Variants in SOX6 observed in about 807,000 individuals in gnomAD.
The protein encoded by SOX6 is SRY-box transcription factor 6.
Under a neutral mutation model 97.8 loss-of-function variants are expected in SOX6, and 11 were observed. The observed-to-expected ratio is 0.11, with a 90% CI of 0.07 to 0.19. SOX6 has a LOEUF of 0.19. Among genes scored for constraint, SOX6 ranks in the 10% least tolerant of loss-of-function variants. SOX6 has a pLI of 1.00. For missense variants in SOX6, 810 were observed against 1,039.5 expected (o/e 0.78, Z 3.04); for synonymous variants, 360 against 371.4 (o/e 0.97, Z 0.35).
chr11:16,612,902 C>T (rs1848416797), intron 3 of SOX6, among the ~76,000 whole-genome samples: 1 of 152,144 alleles, frequency 6.6e-6, no homozygotes, highest in African/African-American at 2.4e-5. Context: ...GCCATGCCAT[C>T]CCCACGCACC....
At chr11:16,293,539 C>A (rs1854977054) in intron 3 of SOX6, among the ~76,000 whole-genome samples, 1 of 152,090 alleles carries the variant, frequency 6.6e-6, no homozygotes, top group African/African-American at 2.4e-5. Context: ...TTGAGCTCAA[C>A]AAGCAGATTA....
At position 16,727,290 on chromosome 11, in the gene SOX6, C is replaced by CTTT. The variant is rs557437543; in HGVS notation, n.353+9046_353+9048dup. ...CACTTTATATGCTATATTCACCTTGCTTTTTTTTTTTTTTTTTTTTTTGGA... is the reference window on the plus strand; with the variant it reads ...CACTTTATATGCTATATTCACCTTGCTTTTTTTTTTTTTTTTTTTTTTTTTGGA... On this transcript the variant is annotated intron_variant and non_coding_transcript_variant, in intron 2 of 5. Coordinates refer to the SOX6 transcript ENST00000524520. Among the ~76,000 whole-genome samples the CTTT allele has an allele frequency of 1.4e-3, 132 of 92,950 alleles. 1 individual carries two copies. Among genetic ancestry groups the CTTT allele is most frequent in the Middle Eastern group, 8.5e-3 (1 of 118 alleles). The allele number at this position is 92,950 out of a possible 152,430, so 61.0% of individuals were successfully genotyped here.
intron 3 of SOX6, among the ~76,000 whole-genome samples, chr11:16,681,919 T>C (rs939624879): frequency 4.6e-5 from 7 of 152,184 alleles, no homozygotes; most frequent in African/African-American, 1.4e-4. Context: ...CAGGAAGAAG[T>C]TGAATCTCCG....
intron 12 of SOX6, among the ~76,000 whole-genome samples, chr11:16,025,072 G>A (rs563107604): frequency 1.3e-5 from 2 of 152,108 alleles, no homozygotes; most frequent in Admixed American, 6.6e-5. Context: ...CAGGATTATA[G>A]TGCTTACTGA....
chr11:16,572,695 G>C (rs758917676), intron 4 of SOX6, among the ~76,000 whole-genome samples: 4 of 152,236 alleles, frequency 2.6e-5, no homozygotes, highest in South Asian at 4.1e-4. Flanking sequence ...CAGGAAGTCA[G>C]GCCATTGCAA....
chr11:16,586,081 G>A (rs1014193281), intron 4 of SOX6, among the ~76,000 whole-genome samples: 1 of 152,076 alleles, frequency 6.6e-6, no homozygotes, highest in African/African-American at 2.4e-5. Flanking sequence ...TAACCTTCAG[G>A]CTGAAACGAT....
At chr11:16,624,028 CAGT>C (rs1366609899) in intron 3 of SOX6, among the ~76,000 whole-genome samples, 1 of 152,162 alleles carries the variant, frequency 6.6e-6, no homozygotes, top group East Asian at 1.9e-4. Flanking sequence ...ATTGCTATCA[CAGT>C]AGATTAGTTT....
At chr11:16,040,204 A>G (rs772576702) in intron 12 of SOX6, among the ~76,000 whole-genome samples, 16 of 152,074 alleles carry the variant, frequency 1.1e-4, no homozygotes, top group Non-Finnish European at 1.8e-4. Context: ...TCCTACACCT[A>G]CACCTATCCC....
intron 1 of SOX6, among the ~76,000 whole-genome samples, chr11:16,461,860 T>C (rs1199009558): frequency 2.0e-5 from 3 of 152,170 alleles, no homozygotes; most frequent in African/African-American, 7.2e-5. Context: ...GAGCCATGCA[T>C]TGGTTCACTT....
At chr11:16,112,985 T>A (rs12574107) in intron 6 of SOX6, among the ~76,000 whole-genome samples, 16,139 of 152,140 alleles carry the variant, frequency 0.11, 1,771 homozygotes, top group East Asian at 0.37. Flanking sequence ...ATTATATCTT[T>A]TTTAAGATAC....
At chr11:16,365,373 C>A (rs960343709) in intron 1 of SOX6, among the ~76,000 whole-genome samples, 11 of 151,548 alleles carry the variant, frequency 7.3e-5, no homozygotes, top group South Asian at 4.2e-4. Flanking sequence ...TTATTATTAT[C>A]ATAAATAAAT....
At chr11:16,698,286 C>T (rs1848068555) in intron 3 of SOX6, among the ~76,000 whole-genome samples, 1 of 152,168 alleles carries the variant, frequency 6.6e-6, no homozygotes, top group African/African-American at 2.4e-5. Flanking sequence ...GTTATAGAGA[C>T]AGCTACTTTC....
intron 4 of SOX6, among the ~76,000 whole-genome samples, chr11:16,585,305 A>G (rs559971231): frequency 5.4e-4 from 83 of 152,324 alleles, no homozygotes; most frequent in African/African-American, 2.0e-3. Context: ...AATAATAGCT[A>G]ATGCTTATAT....
At chr11:16,377,961 C>A (rs1237948772) in intron 1 of SOX6, among the ~76,000 whole-genome samples, 3 of 152,082 alleles carry the variant, frequency 2.0e-5, no homozygotes, top group Non-Finnish European at 4.4e-5. Flanking sequence ...TTCAGGAAGG[C>A]AACTTGGCAA....
intron 4 of SOX6, among the ~76,000 whole-genome samples, chr11:16,226,719 T>A (rs1414959467): frequency 1.0e-5 from 1 of 99,572 alleles, no homozygotes; most frequent in Admixed American, 1.2e-4. Flanking sequence ...TTACCCTGTA[T>A]CCTTCCACCA....
chr11:16,171,217 G>A (rs1305604534), intron 6 of SOX6, among the ~76,000 whole-genome samples: 1 of 151,878 alleles, frequency 6.6e-6, no homozygotes, highest in African/African-American at 2.4e-5. Context: ...GGTAGCACAA[G>A]AAACTTCACC....
intron 4 of SOX6, among the ~76,000 whole-genome samples, chr11:16,202,050 T>G (rs1851955632): frequency 1.3e-5 from 2 of 152,174 alleles, no homozygotes; most frequent in African/African-American, 2.4e-5. Context: ...TTTTTCCCAT[T>G]TTAGAAGTGA....
intron 4 of SOX6, chr11:16,484,595 C>T (rs1012310519): frequency 9.8e-6 from 7 of 712,948 alleles, no homozygotes; most frequent in Middle Eastern, 2.7e-4. Flanking sequence ...AGTCACCTGG[C>T]GTGGAGGGGG....
At chr11:16,491,810 A>G (rs1590221843) in intron 4 of SOX6, among the ~76,000 whole-genome samples, 1 of 152,196 alleles carries the variant, frequency 6.6e-6, no homozygotes, top group African/African-American at 2.4e-5. Context: ...CTTGCTCTCT[A>G]TCTCATATCA....
Sources: gnomAD v4.1 joint callset for allele counts (sites outside exome capture counted in the v4.1 genomes callset) on GRCh38, gnomAD v4.1.1 for gene constraint, MANE v1.5 for transcripts, NCBI Gene and HGNC (gene_info 2026-07-23, HGNC 2026-07-21) for gene names.